The following SLC35F4 variants were observed in gnomAD, a reference collection of about 807,000 sequenced individuals.
SLC35F4 encodes the protein solute carrier family 35 member F4, also known as chromosome 14 open reading frame 36.
SLC35F4 carries 24 observed loss-of-function variants against 44.2 expected under a neutral mutation model. That is an observed-to-expected ratio of 0.54 (90% confidence interval 0.39 to 0.76). The LOEUF (loss-of-function observed/expected upper bound fraction) is 0.76, where lower values mean the gene tolerates loss of function less well. Ranked by LOEUF, SLC35F4 falls within the 30% of genes least tolerant of loss-of-function variation. The probability of loss-of-function intolerance (pLI) is 0.00; values close to 1 mark genes in which losing one functional copy is unlikely to be tolerated. For synonymous variants in SLC35F4, 238 were observed against 223.6 expected, an observed-to-expected ratio of 1.06 and a Z score of -0.57; for missense variants, 562 against 586.1, an observed-to-expected ratio of 0.96 and a Z score of 0.42.
rs190391902 is a variant in SLC35F4, at chr14:57,845,464, C to T, written c.103+20259G>A. Among the ~76,000 whole-genome samples the T allele has an allele frequency of 6.6e-5, 10 of 152,338 alleles. No homozygotes were observed. In the East Asian group the frequency reaches 1.9e-3, roughly 29 times the overall value. On this transcript the variant is annotated intron_variant, in intron 1 of 7. Transcript: ENST00000556826. ...AGGTTGTAGCATTCTTGAGAATTTACATCCCAAATCTTTGTGTGCTATGGT... is the reference window on the plus strand; with the variant it reads ...AGGTTGTAGCATTCTTGAGAATTTATATCCCAAATCTTTGTGTGCTATGGT...
intron 1 of SLC35F4, among the ~76,000 whole-genome samples, chr14:57,847,836 C>T (rs755186227): frequency 1.3e-5 from 2 of 152,050 alleles, no homozygotes; most frequent in East Asian, 1.9e-4. Flanking sequence ...TCTTAGTTTA[C>T]AGTAAATGTA....
chr14:57,758,558 T>C (rs950470189), intron 1 of SLC35F4, among the ~76,000 whole-genome samples: 5 of 152,114 alleles, frequency 3.3e-5, no homozygotes, highest in Non-Finnish European at 5.9e-5. Context: ...CAATATTTCT[T>C]CTAGCTTTTC....
At chr14:57,908,490 G>T (rs1260047509) in intron 1 of SLC35F4, among the ~76,000 whole-genome samples, 1 of 151,564 alleles carries the variant, frequency 6.6e-6, no homozygotes, top group Non-Finnish European at 1.5e-5. Context: ...CCATTCTGAA[G>T]AGATGGTATC....
At chr14:57,837,658 TATC>T (rs1885072255) in intron 1 of SLC35F4, 1 of 152,168 alleles carries the variant, frequency 6.6e-6, no homozygotes. Context: ...GACCGTCACA[TATC>T]ATACCATCAT....
intron 1 of SLC35F4, among the ~76,000 whole-genome samples, chr14:57,752,828 A>G (rs1245143058): frequency 1.3e-5 from 2 of 152,162 alleles, no homozygotes; most frequent in Admixed American, 1.3e-4. Flanking sequence ...GCCATTTCCT[A>G]TTGTGTTTAA....
At chr14:57,857,209 G>A (rs944525469) in intron 1 of SLC35F4, among the ~76,000 whole-genome samples, 3 of 151,728 alleles carry the variant, frequency 2.0e-5, no homozygotes, top group African/African-American at 2.4e-5. Context: ...CCTGGGAGGC[G>A]GAGGTTGCAG....
chr14:57,749,685 CT>C (rs1242799246), intron 1 of SLC35F4, among the ~76,000 whole-genome samples: 2 of 152,170 alleles, frequency 1.3e-5, no homozygotes, highest in Non-Finnish European at 1.5e-5. Flanking sequence ...CCTATAGAGC[CT>C]CCTTTGGGGA....
intron 1 of SLC35F4, among the ~76,000 whole-genome samples, chr14:57,893,909 TG>T (rs1888822125): frequency 6.6e-6 from 1 of 152,140 alleles, no homozygotes; most frequent in Non-Finnish European, 1.5e-5. Flanking sequence ...AACTAATTGC[TG>T]GGATTATTTT....
At chr14:57,689,886 TA>T (rs1369901433) in intron 1 of SLC35F4, among the ~76,000 whole-genome samples, 1 of 151,882 alleles carries the variant, frequency 6.6e-6, no homozygotes, top group African/African-American at 2.4e-5. Flanking sequence ...TAAAGTATAA[TA>T]AAAAATAAAA....
rs112893043 is a variant in SLC35F4 at position 57,857,047 on chromosome 14, G to C, written c.103+8676C>G. 5.8e-3 allele frequency among the ~76,000 whole-genome samples: 878 copies of C among 152,032 alleles called. 26 individuals carry two copies. The highest frequency in any genetic ancestry group is 0.02 in the African/African-American group (832 of 41,354). ...TCCCAGCACTTTGGAAAGACGAGGCGGGTGGATCACCTGAGGTCAGGAGTT... is the reference window on the plus strand; with the variant it reads ...TCCCAGCACTTTGGAAAGACGAGGCCGGTGGATCACCTGAGGTCAGGAGTT... On this transcript the variant is annotated intron_variant, in intron 1 of 7. Coordinates refer to ENST00000556826, the MANE Select transcript of SLC35F4 (RefSeq NM_001306087.2).
In SLC35F4 at chr14:57,603,407, G is replaced by A. The variant is rs1368972957; in HGVS notation, c.104-9283C>T. On this transcript the variant is annotated intron_variant, in intron 1 of 7. Transcript: ENST00000556826. ...AGCACCCAACCCTCTTCCTATTTAGGGGGAGTTCCCCCTCCCTCATTATAT... is the reference window on the plus strand; with the variant it reads ...AGCACCCAACCCTCTTCCTATTTAGAGGGAGTTCCCCCTCCCTCATTATAT... Among the ~76,000 whole-genome samples, 10 of 152,068 alleles carry A rather than the reference G, an allele frequency of 6.6e-5. No homozygotes were observed. The East Asian group carries it at 1.9e-3, about 29-fold the overall frequency.
chr14:57,603,457 T>C (rs1180612500), intron 1 of SLC35F4, among the ~76,000 whole-genome samples: 1 of 152,198 alleles, frequency 6.6e-6, no homozygotes, highest in Non-Finnish European at 1.5e-5. Context: ...AACAGTGCCC[T>C]ACATCCTACA....
intron 7 of SLC35F4, among the ~76,000 whole-genome samples, chr14:57,565,588 G>GA (rs1471402568): frequency 6.6e-6 from 1 of 152,190 alleles, no homozygotes; most frequent in African/African-American, 2.4e-5. Context: ...TTTGTTGGAT[G>GA]AATGAACGAA....
At chr14:57,941,476 G>C (rs1889915606) in intron 1 of SLC35F4, among the ~76,000 whole-genome samples, 1 of 152,170 alleles carries the variant, frequency 6.6e-6, no homozygotes, top group South Asian at 2.1e-4. Context: ...ATGAAATTTT[G>C]AGAATAGGTA....
At chr14:57,937,650 GA>G (rs1240817949) in intron 1 of SLC35F4, among the ~76,000 whole-genome samples, 13 of 111,556 alleles carry the variant, frequency 1.2e-4, no homozygotes, top group South Asian at 2.8e-4. Flanking sequence ...GAAAAGAAAA[GA>G]AAAAAGAAAA....
At chr14:57,913,481 A>G (rs1056976297) in intron 1 of SLC35F4, among the ~76,000 whole-genome samples, 1 of 152,084 alleles carries the variant, frequency 6.6e-6, no homozygotes, top group African/African-American at 2.4e-5. Flanking sequence ...TTTGCAATAT[A>G]CATTTACAAC....
intron 1 of SLC35F4, among the ~76,000 whole-genome samples, chr14:57,628,093 C>T (rs897435030): frequency 2.6e-5 from 4 of 151,934 alleles, no homozygotes; most frequent in African/African-American, 4.8e-5. Context: ...TCCTTGTCTA[C>T]GTACATTTTT....
At chr14:57,584,589 A>AAGC (rs1381739347) in intron 3 of SLC35F4, among the ~76,000 whole-genome samples, 15 of 152,196 alleles carry the variant, frequency 9.9e-5, no homozygotes, top group African/African-American at 3.4e-4. Flanking sequence ...TCTGCTTGAC[A>AAGC]ATAAAAGCTC....
intron 1 of SLC35F4, among the ~76,000 whole-genome samples, chr14:57,904,915 AG>A (rs1889078213): frequency 6.6e-6 from 1 of 152,210 alleles, no homozygotes; most frequent in African/African-American, 2.4e-5. Flanking sequence ...AAGACCACAA[AG>A]AAAAGGCTAT....
Sources: allele counts gnomAD v4.1 joint callset (sites outside exome capture counted in the v4.1 genomes callset), GRCh38; gene constraint gnomAD v4.1.1; transcripts MANE v1.5; gene names NCBI Gene and HGNC (gene_info 2026-07-23, HGNC 2026-07-21).